Variants in TRPM3 observed in about 807,000 individuals in gnomAD.
TRPM3 encodes transient receptor potential cation channel subfamily M member 3.
A neutral mutation model predicts 181.2 loss-of-function variants in TRPM3; 77 were observed. That is an observed-to-expected ratio of 0.42 (90% CI 0.35 to 0.51). The LOEUF is 0.51. TRPM3 is among the 20% of genes least tolerant of loss of function. TRPM3 has a pLI of 0.01. For missense variants in TRPM3, 1,759 were observed against 2,196.7 expected, an observed-to-expected ratio of 0.80 and a Z score of 3.98; for synonymous variants, 745 against 796.4, an observed-to-expected ratio of 0.94 and a Z score of 1.09.
chr9:71,446,705 C>G (rs1199462589), exon 1 of TRPM3: 2 of 1,550,610 alleles, frequency 1.3e-6, no homozygotes, highest in South Asian at 1.2e-5. Flanking sequence ...CTGCTTGGAA[C>G]TTAACCTTTT....
At chr9:71,372,806 C>T (rs1323474720) in intron 1 of TRPM3, among the ~76,000 whole-genome samples, 1 of 152,172 alleles carries the variant, frequency 6.6e-6, no homozygotes, top group Non-Finnish European at 1.5e-5. Flanking sequence ...CATTGGCATG[C>T]TGTCTTCAAG....
chr9:70,761,145 AG>A, intron 8 of TRPM3: 1 of 344,046 alleles, frequency 2.9e-6, no homozygotes. Context: ...AGATTCCTCC[AG>A]GATTTCTTAT....
intron 6 of TRPM3, among the ~76,000 whole-genome samples, chr9:70,816,849 T>C (rs767113012): frequency 2.0e-5 from 3 of 152,222 alleles, no homozygotes; most frequent in Non-Finnish European, 2.9e-5. Context: ...ACCAGGATGG[T>C]CTAAAATAAT....
intron 6 of TRPM3, among the ~76,000 whole-genome samples, chr9:70,806,116 AAT>A (rs2090617070): frequency 6.6e-6 from 1 of 152,156 alleles, no homozygotes; most frequent in Admixed American, 6.5e-5. Flanking sequence ...CTCCTTAGCC[AAT>A]GAGAGTTCTT....
At chr9:71,046,374 G>A (rs1017768508) in intron 1 of TRPM3, among the ~76,000 whole-genome samples, 2 of 152,050 alleles carry the variant, frequency 1.3e-5, no homozygotes, top group Admixed American at 6.5e-5. Flanking sequence ...GGGAAACATC[G>A]CATGAATAAC....
chr9:70,548,847 G>GCTCT (rs56761379), intron 25 of TRPM3, among the ~76,000 whole-genome samples: 6,211 of 149,934 alleles, frequency 0.041, 393 homozygotes, highest in African/African-American at 0.14. Context: ...AAGATCTTGT[G>GCTCT]CTCTCTCTCT....
At chr9:71,198,996 A>G (rs1012119319) in intron 1 of TRPM3, among the ~76,000 whole-genome samples, 1 of 136,610 alleles carries the variant, frequency 7.3e-6, no homozygotes, top group African/African-American at 2.6e-5. Flanking sequence ...TCAGTATGAT[A>G]TTGGCTGTGG....
chr9:70,568,209 A>C (rs952352199), intron 22 of TRPM3, among the ~76,000 whole-genome samples: 1 of 152,182 alleles, frequency 6.6e-6, no homozygotes, highest in African/African-American at 2.4e-5. Flanking sequence ...ACACAAGGCA[A>C]ATGGCTGAGA....
intron 1 of TRPM3, among the ~76,000 whole-genome samples, chr9:70,945,890 T>C (rs553001607): frequency 4.6e-5 from 7 of 152,150 alleles, no homozygotes; most frequent in Non-Finnish European, 8.8e-5. Flanking sequence ...CTGCAGGGTG[T>C]TGAGGACATT....
At chr9:71,060,342 G>T (rs892552786) in intron 1 of TRPM3, among the ~76,000 whole-genome samples, 3 of 152,100 alleles carry the variant, frequency 2.0e-5, no homozygotes, top group African/African-American at 7.2e-5. Flanking sequence ...ACATTTCTCA[G>T]CATTTCCTTT....
intron 1 of TRPM3, among the ~76,000 whole-genome samples, chr9:70,978,835 G>A (rs890719972): frequency 3.3e-5 from 5 of 152,130 alleles, no homozygotes; most frequent in African/African-American, 7.2e-5. Flanking sequence ...AAAAAGCATC[G>A]AGCTTAGACA....
intron 1 of TRPM3, among the ~76,000 whole-genome samples, chr9:71,047,749 A>AGGT (rs2133096500): frequency 6.6e-6 from 1 of 152,024 alleles, no homozygotes; most frequent in African/African-American, 2.4e-5. Context: ...AACTGTAAGT[A>AGGT]GGTACATATG....
intron 1 of TRPM3, among the ~76,000 whole-genome samples, chr9:71,434,548 T>C (rs912053215): frequency 2.0e-5 from 3 of 152,190 alleles, no homozygotes; most frequent in Middle Eastern, 3.2e-3. Context: ...CTGTGACAGA[T>C]ATTCTAGGGA....
chr9:70,896,066 C>G (rs1564709340), intron 1 of TRPM3, among the ~76,000 whole-genome samples: 4 of 152,158 alleles, frequency 2.6e-5, no homozygotes, highest in Admixed American at 6.5e-5. Flanking sequence ...GGTCACAAGA[C>G]AGATCATTAG....
intron 1 of TRPM3, among the ~76,000 whole-genome samples, chr9:71,055,984 G>A (rs78750743): frequency 5.1e-4 from 78 of 151,990 alleles, no homozygotes; most frequent in African/African-American, 1.5e-3. Flanking sequence ...ATATCAGGCC[G>A]TGTATAAAGT....
chr9:71,313,753 G>A (rs148475231), intron 1 of TRPM3, among the ~76,000 whole-genome samples: 1 of 152,040 alleles, frequency 6.6e-6, no homozygotes, highest in Non-Finnish European at 1.5e-5. Flanking sequence ...TGACCTGAAG[G>A]ATATTTTATT....
At chr9:70,572,014 T>C (rs537084488) in intron 22 of TRPM3, among the ~76,000 whole-genome samples, 1 of 152,300 alleles carries the variant, frequency 6.6e-6, no homozygotes, top group African/African-American at 2.4e-5. Flanking sequence ...CACAGTGCTT[T>C]ACATTAGCTG....
intron 17 of TRPM3, 59 bp downstream of exon 17, chr9:70,618,808 A>G (rs1589383368): frequency 1.3e-6 from 2 of 1,490,228 alleles, no homozygotes; most frequent in African/African-American, 1.4e-5. Context: ...TTTGGCTGGG[A>G]AAACTCTAAC....
intron 1 of TRPM3, among the ~76,000 whole-genome samples, chr9:71,377,130 G>A (rs1420999081): frequency 2.6e-5 from 4 of 151,970 alleles, no homozygotes; most frequent in African/African-American, 4.8e-5. Flanking sequence ...TGGAGATGCC[G>A]AATTATTTGT....
Sources: gnomAD v4.1 joint callset for allele counts (sites outside exome capture counted in the v4.1 genomes callset) on GRCh38, gnomAD v4.1.1 for gene constraint, MANE v1.5 for transcripts, NCBI Gene and HGNC (gene_info 2026-07-23, HGNC 2026-07-21) for gene names.